SYT1: variants seen among roughly 807,000 people sequenced by gnomAD.
The protein encoded by SYT1 is synaptotagmin-1.
SYT1 carries 8 observed loss-of-function variants against 44.8 expected under a neutral mutation model. The observed-to-expected ratio is 0.18, with a 90% CI of 0.10 to 0.32. The LOEUF (loss-of-function observed/expected upper bound fraction) is 0.32. SYT1 is among the 10% of genes least tolerant of loss of function. SYT1 has a pLI of 1.00. For synonymous variants in SYT1, 154 were observed against 188.8 expected (o/e 0.82, Z 1.51); for missense variants, 286 against 509.3 (o/e 0.56, Z 4.22).
rs535486351 is a variant in SYT1 at position 79,399,813 on chromosome 12, A to T, written c.929-44260A>T. On this transcript the variant is annotated intron_variant, in intron 9 of 10. Transcript: ENST00000261205. The stretch of plus-strand genomic sequence containing the variant: ...TCCATTTCTAACAAGTCCCCAGCTG[A>T]TGCTGACCTTGCTGGTATAGGGCCA... Among the ~76,000 whole-genome samples the T allele has an allele frequency of 3.9e-5, 6 of 152,318 alleles. No individual in the cohort carries two copies. In the South Asian group the frequency reaches 6.2e-4, roughly 16 times the overall value.
At chr12:79,413,602 T>C (rs1443852844) in intron 9 of SYT1, among the ~76,000 whole-genome samples, 1 of 152,202 alleles carries the variant, frequency 6.6e-6, no homozygotes, top group Non-Finnish European at 1.5e-5. Flanking sequence ...GAATTTCAAA[T>C]ACCCTAGGCA....
intron 3 of SYT1, among the ~76,000 whole-genome samples, chr12:79,069,127 G>C (rs1876091699): frequency 6.6e-6 from 1 of 152,154 alleles, no homozygotes; most frequent in Non-Finnish European, 1.5e-5. Context: ...AATTGTTGTA[G>C]TGAATTAATG....
intron 2 of SYT1, among the ~76,000 whole-genome samples, chr12:79,031,557 C>G (rs73148243): frequency 4.6e-5 from 7 of 151,166 alleles, no homozygotes; most frequent in Non-Finnish European, 8.9e-5. Context: ...CAAATCCATC[C>G]GCTCTTACTT....
intron 3 of SYT1, among the ~76,000 whole-genome samples, chr12:79,083,007 GAAAC>G (rs1283650578): frequency 2.7e-5 from 4 of 149,276 alleles, no homozygotes; most frequent in African/African-American, 7.4e-5. Context: ...AGGATTAAAA[GAAAC>G]AAACAGACAC....
intron 1 of SYT1, among the ~76,000 whole-genome samples, chr12:78,936,492 TG>T (rs1256937129): frequency 1.3e-5 from 2 of 152,176 alleles, no homozygotes; most frequent in African/African-American, 2.4e-5. Context: ...AGATTGGCCT[TG>T]TAGGTATGCC....
intron 3 of SYT1, among the ~76,000 whole-genome samples, chr12:79,089,289 GC>G (rs1443762440): frequency 6.6e-6 from 1 of 152,094 alleles, no homozygotes; most frequent in Admixed American, 6.6e-5. Context: ...TTTACTAGTA[GC>G]TTGGCAACAG....
rs58384133 is a variant in SYT1, at chr12:79,122,513, CAAAAAAAA to C, written c.-18+75165_-18+75172del. On this transcript the variant is annotated intron_variant, in intron 3 of 10. Coordinates refer to ENST00000261205, the MANE Select transcript of SYT1 (RefSeq NM_005639.3). ...TGGGCGACAGAGCGAGACTCCGTCT[CAAAAAAAA>C]AAAAAAAAAAAAAGAGATTCATATT... is the stretch of plus-strand genomic sequence containing the variant. 1.4e-4 allele frequency among the ~76,000 whole-genome samples: 9 copies of C among 65,038 alleles called. 1 individual carries two copies. Among genetic ancestry groups the C allele is most frequent in the Non-Finnish European group, 2.2e-4 (9 of 40,036 alleles). The allele number at this position is 65,038 out of a possible 152,430, so 42.7% of individuals were successfully genotyped here.
At chr12:78,977,062 C>T (rs1404832945) in intron 1 of SYT1, among the ~76,000 whole-genome samples, 1 of 145,776 alleles carries the variant, frequency 6.9e-6, no homozygotes, top group Non-Finnish European at 1.5e-5. Context: ...TTAAAGAGAA[C>T]AGAAAAAAAT....
At chr12:79,163,935 A>G (rs953916979) in intron 3 of SYT1, among the ~76,000 whole-genome samples, 2 of 152,044 alleles carry the variant, frequency 1.3e-5, no homozygotes, top group Non-Finnish European at 2.9e-5. Context: ...CATTTCTTCA[A>G]TCAGGCTGTT....
chr12:78,926,504 C>G, intron 1 of SYT1: 1 of 152,096 alleles, frequency 6.6e-6, no homozygotes, highest in East Asian at 1.9e-4. Flanking sequence ...TATATCCTTA[C>G]TAAAGCATCT....
At chr12:79,379,022 A>T (rs768381664) in intron 9 of SYT1, among the ~76,000 whole-genome samples, 9 of 152,100 alleles carry the variant, frequency 5.9e-5, no homozygotes, top group African/African-American at 9.7e-5. Flanking sequence ...TAGGGGTGGG[A>T]GTTGGGGATG....
At chr12:79,155,552 G>C (rs576664606) in intron 3 of SYT1, among the ~76,000 whole-genome samples, 23 of 152,290 alleles carry the variant, frequency 1.5e-4, no homozygotes, top group East Asian at 3.9e-4. Flanking sequence ...TAAAGATTTT[G>C]TTTAAAATCT....
chr12:79,214,497 T>G lies in SYT1; in HGVS notation c.-17-3006T>G, dbSNP rs191585410. Among the ~76,000 whole-genome samples the G allele has an allele frequency of 4.5e-4, 69 of 152,348 alleles. No individual in the cohort carries two copies. In the East Asian group the frequency reaches 0.011, roughly 24 times the overall value. ...AAAGTCTTATTGTTCCTATAGTCTTTTATGTCTTTCAAACTATATGTAGAA... is the reference window on the plus strand; with the variant it reads ...AAAGTCTTATTGTTCCTATAGTCTTGTATGTCTTTCAAACTATATGTAGAA... On this transcript the variant is annotated intron_variant, in intron 3 of 10. Transcript: ENST00000261205.
In SYT1 at chr12:78,894,913, G is replaced by T. The variant is rs191758953; in HGVS notation, c.-217+29804G>T. Among the ~76,000 whole-genome samples the T allele has an allele frequency of 4.6e-5, 7 of 151,688 alleles. No homozygotes were observed. The East Asian group carries it at 1.4e-3, about 30-fold the overall frequency. ...AAAATTGCTAAAAAGTAGATTTTAAGTGTTCTCACCACAAAAAAATAATTC... is the reference window on the plus strand; with the variant it reads ...AAAATTGCTAAAAAGTAGATTTTAATTGTTCTCACCACAAAAAAATAATTC... On this transcript the variant is annotated intron_variant, in intron 1 of 10. Coordinates refer to ENST00000261205, the MANE Select transcript of SYT1 (RefSeq NM_005639.3).
intron 3 of SYT1, among the ~76,000 whole-genome samples, chr12:79,053,593 T>A (rs1474977577): frequency 6.7e-6 from 1 of 148,756 alleles, no homozygotes; most frequent in African/African-American, 2.4e-5. Context: ...TTAAAATTAT[T>A]TTATAATATT....
chr12:79,000,288 C>CTTTTTTTTT (rs559894598), intron 2 of SYT1, among the ~76,000 whole-genome samples: 3 of 112,928 alleles, frequency 2.7e-5, no homozygotes, highest in African/African-American at 6.7e-5. Context: ...TTAACTGCTT[C>CTTTTTTTTT]TTTTTTTTTT....
intron 8 of SYT1, among the ~76,000 whole-genome samples, chr12:79,339,851 G>T (rs143062141): frequency 6.6e-6 from 1 of 152,168 alleles, no homozygotes; most frequent in Non-Finnish European, 1.5e-5. Flanking sequence ...TTTGTATAAG[G>T]TGTAAGGAAG....
intron 1 of SYT1, among the ~76,000 whole-genome samples, chr12:78,953,853 G>T (rs1879088527): frequency 6.6e-6 from 1 of 151,958 alleles, no homozygotes; most frequent in South Asian, 2.1e-4. Flanking sequence ...GCACTAAACT[G>T]GTTTGCTTTG....
At chr12:79,292,834 T>C (rs1482277676) in intron 6 of SYT1, among the ~76,000 whole-genome samples, 1 of 152,164 alleles carries the variant, frequency 6.6e-6, no homozygotes, top group African/African-American at 2.4e-5. Flanking sequence ...CTACCTTTTA[T>C]TGACTGCCTG....
Sources: allele counts gnomAD v4.1 joint callset (sites outside exome capture counted in the v4.1 genomes callset), GRCh38; gene constraint gnomAD v4.1.1; transcripts MANE v1.5; gene names NCBI Gene and HGNC (gene_info 2026-07-23, HGNC 2026-07-21).